Variants in CDKN1B observed in about 807,000 individuals in gnomAD.
CDKN1B encodes cyclin dependent kinase inhibitor 1B, also known as cyclin-dependent kinase inhibitor 1B.
A neutral mutation model predicts 17.1 loss-of-function variants in CDKN1B; 7 were observed. The ratio of observed to expected loss-of-function variants is 0.41; its 90% CI spans 0.23 to 0.77. The LOEUF is 0.77. CDKN1B is among the 30% of genes least tolerant of loss of function. CDKN1B has a pLI of 0.33. For synonymous variants in CDKN1B, 149 were observed against 104.3 expected (o/e 1.43, Z -2.61); for missense variants, 337 against 262.0 (o/e 1.29, Z -1.98).
chr12:12,721,266 C>G lies in CDKN1B; in HGVS notation c.*239C>G. ...CAATTAGGTTTTTCCTTATTTGCTT[C>G]ATTGTACTACCTGTGTATATAGTTT... On this transcript the variant is annotated 3_prime_UTR_variant, in exon 3 of 3. Coordinates refer to ENST00000228872, the MANE Select transcript of CDKN1B (RefSeq NM_004064.5). 1 of 451,708 alleles carries G rather than the reference C, an allele frequency of 2.2e-6. No homozygotes were observed. Among genetic ancestry groups the G allele is most frequent in the Non-Finnish European group, 4.4e-6 (1 of 228,420 alleles). The allele number at this position is 451,708 out of a possible 1,614,324, so 28.0% of individuals were successfully genotyped here. A position where few individuals can be genotyped will look rare whatever the true frequency, so the allele number is the denominator to read the frequency against.
Position 12,717,515 on chromosome 12 carries a change from G to A in CDKN1B, c.-325G>A. On this transcript the variant is annotated 5_prime_UTR_variant, in exon 1 of 3. Coordinates refer to ENST00000228872, the MANE Select transcript of CDKN1B (RefSeq NM_004064.5). ...CCGGCAAGGTTTGGAGAGCGGCTGG[G>A]TTCGCGGGACCCGCGGGCTTGCACC... 1.5e-6 allele frequency: 2 copies of A among 1,376,508 alleles called. No homozygotes were observed. The highest frequency in any genetic ancestry group is 1.9e-6 in the Non-Finnish European group (2 of 1,063,474). The allele number at this position is 1,376,508 out of a possible 1,614,324, so 85.3% of individuals were successfully genotyped here.
chr12:12,718,051 A>G lies in CDKN1B; in HGVS notation c.212A>G (p.Glu71Gly), dbSNP rs770564585. The G allele has an allele frequency of 1.9e-6, 3 of 1,614,264 alleles. No individual in the cohort carries two copies. In the South Asian group the frequency reaches 3.3e-5, roughly 18 times the overall value. Residue 71 changes from glutamate to glycine, a missense_variant, in exon 1 of 3, where the codon GAG (glutamate) becomes GGG (glycine). Physicochemically the swap from Glu to Gly is moderately conservative, Grantham distance 98 (BLOSUM62 -2). Transcript: ENST00000228872. Reference protein sequence around the residue: ...NFDFQNHKPLEGKYEWQEVEK... With the variant: ...NFDFQNHKPLGGKYEWQEVEK... ...GATTTTCAGAATCACAAACCCCTAGAGGGCAAGTACGAGTGGCAAGAGGTG... is the reference window on the plus strand; with the variant it reads ...GATTTTCAGAATCACAAACCCCTAGGGGGCAAGTACGAGTGGCAAGAGGTG...
rs4251695 is a variant in CDKN1B, at chr12:12,720,998, C to T, written c.*9-38C>T. On this transcript the variant is annotated intron_variant, in intron 2 of 2. Coordinates refer to ENST00000228872, the MANE Select transcript of CDKN1B (RefSeq NM_004064.5). The stretch of plus-strand genomic sequence containing the variant: ...CTCTACTGGTAACGTTAATCTAGTG[C>T]TCTTCCTTTAATTCTTCCGTTTTGT... The T allele has an allele frequency of 2.8e-3, 1,732 of 624,888 alleles. 6 individuals carry two copies. The highest frequency in any genetic ancestry group is 3.5e-3 in the Non-Finnish European group (1,209 of 343,886). 38.7% of individuals were successfully genotyped at this position (624,888 alleles called of 1,614,324 possible). A position where few individuals can be genotyped will look rare whatever the true frequency, so the allele number is the denominator to read the frequency against.
At position 12,718,282 on chromosome 12, in the gene CDKN1B, G is replaced by A. The variant is rs200476090; in HGVS notation, c.443G>A (p.Cys148Tyr). The A allele has an allele frequency of 6.2e-7, 1 of 1,606,346 alleles. No homozygotes were observed. The highest frequency in any genetic ancestry group is 1.3e-5 in the African/African-American group (1 of 74,940). Residue 148 changes from cysteine (C) to tyrosine (Y), a missense_variant, in exon 1 of 3, where the codon TGC becomes TAC. Physicochemically the swap from Cys to Tyr is radical, Grantham distance 194 (BLOSUM62 -2). Coordinates refer to ENST00000228872, the MANE Select transcript of CDKN1B (RefSeq NM_004064.5). ...AGCCAGACGGGGTTAGCGGAGCAAT[G>A]CGCAGGAATAAGGAAGCGACCTGCA... ...SDSQTGLAEQ[C>Y]AGIRKRPATD...
Position 12,717,831 on chromosome 12 carries a change from G to T in CDKN1B, c.-9G>T. On this transcript the variant is annotated 5_prime_UTR_variant, in exon 1 of 3. Transcript: ENST00000228872. ...GCGAGAGAGGCGGTCGTGCAGACCCGGGAGAAAGATGTCAAACGTGCGAGT... is the reference window on the plus strand; with the variant it reads ...GCGAGAGAGGCGGTCGTGCAGACCCTGGAGAAAGATGTCAAACGTGCGAGT... The T allele has an allele frequency of 1.2e-6, 2 of 1,611,248 alleles. No individual in the cohort carries two copies. The highest frequency in any genetic ancestry group is 1.7e-6 in the Non-Finnish European group (2 of 1,179,734).
chr12:12,717,932 C>T lies in CDKN1B; in HGVS notation c.93C>T (p.Asn31=), dbSNP rs577554685. 2 of 1,614,236 alleles carry T rather than the reference C, an allele frequency of 1.2e-6. No individual in the cohort carries two copies. Among genetic ancestry groups the T allele is most frequent in the South Asian group, 1.1e-5 (1 of 91,086 alleles). ...AEHPKPSACR[N]LFGPVDHEEL... is the part of the protein sequence containing the mutation. ...ACCCCAAGCCCTCGGCCTGCAGGAACCTCTTCGGCCCGGTGGACCACGAAG... is the reference window on the plus strand; with the variant it reads ...ACCCCAAGCCCTCGGCCTGCAGGAATCTCTTCGGCCCGGTGGACCACGAAG... The change falls in exon 1 of 3, where the codon AAC becomes AAT. Residue 31 remains asparagine (N), a synonymous_variant. Coordinates refer to ENST00000228872, the MANE Select transcript of CDKN1B (RefSeq NM_004064.5).
At chr12:12,719,009 G>A in intron 2 of CDKN1B, 55 bp downstream of exon 2, 2 of 1,604,318 alleles carry the variant, frequency 1.2e-6, no homozygotes, top group African/African-American at 1.3e-5. Context: ...CAGACCTCAC[G>A]ATACCTGATC....
chr12:12,718,642 ACTTT>A (rs1445776356), intron 1 of CDKN1B, among the ~76,000 whole-genome samples, 179 bp from the exon 2 acceptor site: 1 of 151,836 alleles, frequency 6.6e-6, no homozygotes, highest in Non-Finnish European at 1.5e-5. Flanking sequence ...CGGAGAATGC[ACTTT>A]CTGTTTTTTG....
chr12:12,717,551 C>A lies in CDKN1B; in HGVS notation c.-289C>A. On this transcript the variant is annotated 5_prime_UTR_variant, in exon 1 of 3. Coordinates refer to ENST00000228872, the MANE Select transcript of CDKN1B (RefSeq NM_004064.5). The stretch of plus-strand genomic sequence containing the variant: ...CCGCGGGCTTGCACCCGCCCAGACT[C>A]GGACGGGCTTTGCCACCCTCTCCGC... The A allele has an allele frequency of 7.1e-7, 1 of 1,404,812 alleles. No individual in the cohort carries two copies. The highest frequency in any genetic ancestry group is 9.3e-7 in the Non-Finnish European group (1 of 1,080,902). The allele number at this position is 1,404,812 out of a possible 1,614,324, so 87.0% of individuals were successfully genotyped here.
Position 12,717,953 on chromosome 12 carries a change from C to T in CDKN1B, c.114C>T (p.His38=), listed in dbSNP as rs141178987. 108 of 1,614,152 alleles carry T rather than the reference C, an allele frequency of 6.7e-5. No homozygotes were observed. The African/African-American group carries it at 1.2e-3, about 19-fold the overall frequency. The change falls in exon 1 of 3, where the codon CAC becomes CAT. Residue 38 remains histidine, a synonymous_variant. Coordinates refer to ENST00000228872, the MANE Select transcript of CDKN1B (RefSeq NM_004064.5). ...GGAACCTCTTCGGCCCGGTGGACCACGAAGAGTTAACCCGGGACTTGGAGA... is the reference window on the plus strand; with the variant it reads ...GGAACCTCTTCGGCCCGGTGGACCATGAAGAGTTAACCCGGGACTTGGAGA... ...ACRNLFGPVD[H]EELTRDLEKH... is the part of the protein sequence containing the mutation.
At chr12:12,718,372 G>A (rs897350335) in intron 1 of CDKN1B, 58 bp downstream of exon 1, 15 of 1,460,594 alleles carry the variant, frequency 1.0e-5, no homozygotes, top group East Asian at 2.3e-5. Context: ...CCTGCTGGAG[G>A]GTGTTAACCT....
rs565820084 is a variant in CDKN1B, at chr12:12,721,823, T to G, written c.*796T>G. On this transcript the variant is annotated 3_prime_UTR_variant, in exon 3 of 3. Coordinates refer to ENST00000228872, the MANE Select transcript of CDKN1B (RefSeq NM_004064.5). ...TTTATTAAATTTGTTGACAAAATTT[T>G]CTCATTTTCTTTTCACTTCGGGCTG... 6.6e-6 allele frequency: 1 copy of G among 152,326 alleles called. No individual in the cohort carries two copies. The highest frequency in any genetic ancestry group is 1.5e-5 in the Non-Finnish European group (1 of 68,020). The allele number at this position is 152,326 out of a possible 1,614,324, so 9.4% of individuals were successfully genotyped here. A position where few individuals can be genotyped will look rare whatever the true frequency, so the allele number is the denominator to read the frequency against.
rs1946495977 is a variant in CDKN1B, at chr12:12,718,183, C to T, written c.344C>T (p.Ala115Val). Residue 115 changes from alanine to valine, a missense_variant, in exon 1 of 3, where the codon GCG (alanine) becomes GTG (valine). Coordinates refer to ENST00000228872, the MANE Select transcript of CDKN1B (RefSeq NM_004064.5). The stretch of plus-strand genomic sequence containing the variant: ...CAGGATGTCAGCGGGAGCCGCCCGG[C>T]GGCGCCTTTAATTGGGGCTCCGGCT... ...ESQDVSGSRP[A>V]APLIGAPANS... The T allele has an allele frequency of 6.2e-7, 1 of 1,613,064 alleles. No homozygotes were observed. The highest frequency in any genetic ancestry group is 2.2e-5 in the East Asian group (1 of 44,870).
Position 12,717,771 on chromosome 12 carries a change from C to T in CDKN1B, c.-69C>T. 1.2e-6 allele frequency: 2 copies of T among 1,604,818 alleles called. No homozygotes were observed. The highest frequency in any genetic ancestry group is 1.1e-5 in the South Asian group (1 of 90,894). On this transcript the variant is annotated 5_prime_UTR_variant, in exon 1 of 3. Transcript: ENST00000228872. ...GAGAGGGGTTCGGGCTGCGTAGGGG[C>T]GCTTTGTTTTGTTCGGTTTTGTTTT...
intron 2 of CDKN1B, 115 bp downstream of exon 2, chr12:12,719,069 A>G (rs1393217388): frequency 5.1e-6 from 7 of 1,368,418 alleles, no homozygotes; most frequent in African/African-American, 1.4e-5. Flanking sequence ...TTTTGTTTAT[A>G]CTTCGTGAGG....
rs761736796 is a variant in CDKN1B, at chr12:12,718,852, A to C, written c.503A>C (p.Asn168Thr). 2.5e-6 allele frequency: 4 copies of C among 1,614,162 alleles called. No homozygotes were observed. ...DDSSTQNKRA[N>T]RTEENVSDGS... ...TCTTCTACTCAAAACAAAAGAGCCA[A>C]CAGAACAGAAGAAAATGTTTCAGAC... The change falls in exon 2 of 3, where the codon AAC (asparagine) becomes ACC (threonine). Residue 168 changes from asparagine (N) to threonine (T), a missense_variant. Asn to Thr is a moderately conservative substitution (Grantham distance 65, BLOSUM62 0). Transcript: ENST00000228872.
Position 12,717,415 on chromosome 12 carries a change from A to AG in CDKN1B, c.-420dup. On this transcript the variant is annotated 5_prime_UTR_variant, in exon 1 of 3. Coordinates refer to ENST00000228872, the MANE Select transcript of CDKN1B (RefSeq NM_004064.5). ...ACCGCCATATTGGGCCACTAAAAAAAGGGGGCTCGTCTTTTCGGGGTGTTT... is the reference window on the plus strand; with the variant it reads ...ACCGCCATATTGGGCCACTAAAAAAAGGGGGGCTCGTCTTTTCGGGGTGTTT... 2.5e-6 allele frequency: 3 copies of AG among 1,216,676 alleles called. No homozygotes were observed. Among genetic ancestry groups the AG allele is most frequent in the Non-Finnish European group, 3.1e-6 (3 of 970,296 alleles). 75.4% of individuals were successfully genotyped at this position (1,216,676 alleles called of 1,614,324 possible). A position where few individuals can be genotyped will look rare whatever the true frequency, so the allele number is the denominator to read the frequency against.
intron 2 of CDKN1B, 118 bp from the exon 3 acceptor site, chr12:12,720,918 C>T: frequency 3.7e-6 from 2 of 545,538 alleles, no homozygotes; most frequent in Admixed American, 3.5e-5. Flanking sequence ...AGTCATCAAA[C>T]TTTTTTCCCC....
chr12:12,719,623 C>T (rs1271101099), intron 2 of CDKN1B: 1 of 152,750 alleles, frequency 6.5e-6, no homozygotes, highest in East Asian at 1.9e-4. Flanking sequence ...AGTTGCAAAG[C>T]AGAAGTTAAA....
Sources: gnomAD v4.1 joint callset for allele counts (sites outside exome capture counted in the v4.1 genomes callset) on GRCh38, gnomAD v4.1.1 for gene constraint, MANE v1.5 for transcripts, NCBI Gene and HGNC (gene_info 2026-07-23, HGNC 2026-07-21) for gene names.